C2CD3: variants seen among roughly 807,000 people sequenced by gnomAD.
C2CD3 encodes C2 domain-containing protein 3.
A neutral mutation model predicts 234.0 loss-of-function variants in C2CD3; 148 were observed. The observed-to-expected ratio is 0.63, with a 90% CI of 0.55 to 0.72. The LOEUF (loss-of-function observed/expected upper bound fraction) is 0.72. C2CD3 is among the 30% of genes least tolerant of loss of function. The probability of loss-of-function intolerance (pLI) is 0.00; values close to 1 mark genes in which losing one functional copy is unlikely to be tolerated. For missense variants in C2CD3, 2,577 were observed against 2,811.5 expected, an observed-to-expected ratio of 0.92 and a Z score of 1.89; for synonymous variants, 1,000 against 1,035.4, an observed-to-expected ratio of 0.97 and a Z score of 0.66.
At chr11:74,049,840 G>T (rs1349129214) in intron 26 of C2CD3, among the ~76,000 whole-genome samples, 4 of 152,146 alleles carry the variant, frequency 2.6e-5, no homozygotes, top group Admixed American at 6.5e-5. Context: ...CAGTGCAGTA[G>T]CATGATCATA....
chr11:74,016,035 C>T (rs1267200710), intron 32 of C2CD3, among the ~76,000 whole-genome samples: 3 of 152,122 alleles, frequency 2.0e-5, no homozygotes, highest in Non-Finnish European at 4.4e-5. Context: ...CATGATCATG[C>T]TACTGCACTC....
At chr11:74,108,481 T>C (rs11236001) in intron 12 of C2CD3, among the ~76,000 whole-genome samples, 5,833 of 152,332 alleles carry the variant, frequency 0.038, 110 homozygotes, top group African/African-American at 0.054. Flanking sequence ...AGCAATTTTA[T>C]AAACTTGGAA....
chr11:74,168,485 G>A lies in C2CD3; in HGVS notation c.184C>T (p.Arg62Ter), dbSNP rs587777653. ...GATGTTTCTCCCCACCATCTCACTC[G>A]GACAAGTACACAAGTGGGAGGCTTT... ...IAKPPTCVLVRVRWWGETSDG... is the reference protein window; with the variant it reads ...IAKPPTCVLV Residue 62 changes from arginine to a stop codon, truncating the protein, a stop_gained, in exon 2 of 33, where the codon CGA becomes TGA. Transcript: ENST00000334126. LOFTEE classifies it high-confidence loss of function. The A allele has an allele frequency of 7.4e-6, 12 of 1,614,100 alleles. No homozygotes were observed. Among genetic ancestry groups the A allele is most frequent in the Non-Finnish European group, 9.3e-6 (11 of 1,180,000 alleles).
In C2CD3 at chr11:74,095,298, A is replaced by G; in HGVS notation, c.3090T>C (p.Tyr1030=). The G allele has an allele frequency of 6.2e-7, 1 of 1,613,918 alleles. No individual in the cohort carries two copies. The highest frequency in any genetic ancestry group is 8.5e-7 in the Non-Finnish European group (1 of 1,179,820). The part of the protein sequence containing the change: ...QATVWGEADC[Y]VQYYFPVQHS... ...GTTGAACTGGAAAGTAGTACTGGAC[A>G]TAACAATCTGCTTCTCCCCAGACTG... The change falls in exon 17 of 33, where the codon TAT becomes TAC. Residue 1030 remains tyrosine (Y), a synonymous_variant. Transcript: ENST00000334126.
In C2CD3 at chr11:74,066,461, A is replaced by C. The variant is rs114203128; in HGVS notation, c.4951+7792T>G. On this transcript the variant is annotated intron_variant, in intron 24 of 32. Transcript: ENST00000334126. ...AAAAGAAAGAAAGAAAGAAAAAAAA[A>C]CATTTAACAAGTAGTCTTTAAAAGA... is the stretch of plus-strand genomic sequence containing the variant. Among the ~76,000 whole-genome samples the C allele has an allele frequency of 1.3e-3, 198 of 152,078 alleles. 3 individuals are homozygous for C. Among genetic ancestry groups the C allele is most frequent in the African/African-American group, 4.0e-3 (166 of 41,480 alleles).
chr11:74,079,439 C>A (rs1565266880), intron 22 of C2CD3, among the ~76,000 whole-genome samples: 2 of 151,674 alleles, frequency 1.3e-5, no homozygotes, highest in Non-Finnish European at 2.9e-5. Context: ...GATACCCAGG[C>A]TGGTCTTGAA....
intron 16 of C2CD3, among the ~76,000 whole-genome samples, chr11:74,097,577 T>G (rs1315510265): frequency 6.6e-6 from 1 of 152,228 alleles, no homozygotes; most frequent in East Asian, 1.9e-4. Flanking sequence ...ATGTGCTTTC[T>G]CAACTGGACA....
chr11:74,059,102 AAGAAT>A (rs1257867162), intron 24 of C2CD3, among the ~76,000 whole-genome samples: 1 of 152,234 alleles, frequency 6.6e-6, no homozygotes, highest in African/African-American at 2.4e-5. Context: ...CAGAGCAGAA[AAGAAT>A]AGAAGAAGTA....
intron 29 of C2CD3, among the ~76,000 whole-genome samples, chr11:74,040,012 A>G (rs1952945033): frequency 6.6e-6 from 1 of 152,178 alleles, no homozygotes. Flanking sequence ...GCAGTTTCCT[A>G]TAGTCTATAG....
intron 5 of C2CD3, among the ~76,000 whole-genome samples, chr11:74,137,798 C>CT (rs1957918278): frequency 1.3e-5 from 2 of 152,114 alleles, no homozygotes; most frequent in South Asian, 4.1e-4. Flanking sequence ...GTTGGCCAGG[C>CT]TAGTTTCGAA....
At chr11:74,136,051 A>G (rs1025972160) in intron 5 of C2CD3, among the ~76,000 whole-genome samples, 1 of 152,020 alleles carries the variant, frequency 6.6e-6, no homozygotes, top group Non-Finnish European at 1.5e-5. Flanking sequence ...TTCATACCCC[A>G]ATTCTCAGCA....
At position 74,161,436 on chromosome 11, in the gene C2CD3, A is replaced by G. The variant is rs1489982192; in HGVS notation, c.446T>C (p.Ile149Thr). The change falls in exon 3 of 33, where the codon ATT (isoleucine) becomes ACT (threonine). Residue 149 changes from isoleucine to threonine, a missense_variant. Coordinates refer to ENST00000334126, the MANE Select transcript of C2CD3 (RefSeq NM_001286577.2). Reference protein sequence around the residue: ...PTHQINGFFTIVSSTSKKLGE... With the variant: ...PTHQINGFFTTVSSTSKKLGE... ...AAGTTTCTTAGACGTTGATGAAACA[A>G]TGGTAAAAAATCCATTGATTTGATG... The G allele has an allele frequency of 1.9e-6, 3 of 1,599,984 alleles. No homozygotes were observed.
At chr11:74,057,269 T>C in intron 25 of C2CD3, 137 bp downstream of exon 25, 1 of 831,730 alleles carries the variant, frequency 1.2e-6, no homozygotes, top group Non-Finnish European at 1.9e-6. Context: ...AACACTAGGA[T>C]TAAATAATTG....
chr11:74,074,669 A>C (rs1440651646), intron 23 of C2CD3, 69 bp from the exon 24 acceptor site: 73 of 1,267,870 alleles, frequency 5.8e-5, no homozygotes, highest in East Asian at 7.6e-5. Flanking sequence ...GGAAATACTC[A>C]CTGAGGGTGC....
intron 32 of C2CD3, among the ~76,000 whole-genome samples, chr11:74,025,714 C>A (rs771386146): frequency 2.0e-5 from 3 of 151,858 alleles, no homozygotes; most frequent in Non-Finnish European, 4.4e-5. Flanking sequence ...AGGGAGGATA[C>A]GAGGGCTGGA....
At chr11:74,168,288 T>C in intron 2 of C2CD3, 56 bp downstream of exon 2, 1 of 1,424,420 alleles carries the variant, frequency 7.0e-7, no homozygotes, top group South Asian at 1.2e-5. Flanking sequence ...TTGCTGACAA[T>C]ATAACCACAT....
At position 74,118,258 on chromosome 11, in the gene C2CD3, A is replaced by G. The variant is rs1326167688; in HGVS notation, c.1490T>C (p.Leu497Pro). The part of the protein sequence containing the change: ...SKVLESSDHK[L>P]KKRSAGKRNR... ...TCTCTTGCCTGCTGACCTCTTCTTC[A>G]GCTTATGATCACTTGACTCCAGAAC... The change falls in exon 9 of 33, where the codon CTG (leucine) becomes CCG (proline). Residue 497 changes from leucine (L) to proline (P), a missense_variant. Coordinates refer to ENST00000334126, the MANE Select transcript of C2CD3 (RefSeq NM_001286577.2). 1.7e-5 allele frequency: 27 copies of G among 1,613,674 alleles called. No individual in the cohort carries two copies. Among genetic ancestry groups the G allele is most frequent in the Non-Finnish European group, 2.2e-5 (26 of 1,179,830 alleles).
chr11:74,094,451 A>T (rs1370244006), intron 17 of C2CD3, among the ~76,000 whole-genome samples: 1 of 152,188 alleles, frequency 6.6e-6, no homozygotes, highest in East Asian at 1.9e-4. Context: ...TGAACCTCAA[A>T]ATCAACACTG....
Position 74,100,683 on chromosome 11 carries a change from G to A in C2CD3, c.2581-7C>T, listed in dbSNP as rs1366904321. 3.1e-6 allele frequency: 5 copies of A among 1,598,492 alleles called. No homozygotes were observed. The highest frequency in any genetic ancestry group is 4.3e-6 in the Non-Finnish European group (5 of 1,175,726). On this transcript the variant is annotated splice_polypyrimidine_tract_variant and splice_region_variant and intron_variant, in intron 14 of 32. Coordinates refer to ENST00000334126, the MANE Select transcript of C2CD3 (RefSeq NM_001286577.2). ...ACAGAGAGACAGGAATCACCTAAGA[G>A]AGAGGAACAACCAAAACAAACAAAA...
Sources: allele counts gnomAD v4.1 joint callset (sites outside exome capture counted in the v4.1 genomes callset), GRCh38; gene constraint gnomAD v4.1.1; transcripts MANE v1.5; gene names NCBI Gene and HGNC (gene_info 2026-07-23, HGNC 2026-07-21).